The following PRRC2C variants were observed in gnomAD, a reference collection of about 807,000 sequenced individuals.
The protein encoded by PRRC2C is proline rich coiled-coil 2C.
Under a neutral mutation model 317.2 loss-of-function variants are expected in PRRC2C, and 72 were observed. That is an observed-to-expected ratio of 0.23 (90% CI 0.19 to 0.28). The LOEUF is 0.28. Among genes scored for constraint, PRRC2C ranks in the 10% least tolerant of loss-of-function variants. The probability of loss-of-function intolerance (pLI) is 1.00; values close to 1 mark genes in which losing one functional copy is unlikely to be tolerated. For synonymous variants in PRRC2C, 1,296 were observed against 1,205.9 expected, an observed-to-expected ratio of 1.07 and a Z score of -1.55; for missense variants, 3,074 against 3,459.7, an observed-to-expected ratio of 0.89 and a Z score of 2.80.
At chr1:171,543,904 G>C (rs1309179113) in intron 16 of PRRC2C, among the ~76,000 whole-genome samples, 1 of 152,164 alleles carries the variant, frequency 6.6e-6, no homozygotes, top group East Asian at 1.9e-4. Context: ...CATGGTGAGG[G>C]GGCTCACAAG....
chr1:171,546,618 G>C (rs1391315757), intron 17 of PRRC2C, among the ~76,000 whole-genome samples: 1 of 151,912 alleles, frequency 6.6e-6, no homozygotes, highest in African/African-American at 2.4e-5. Flanking sequence ...TGTTTGTTTT[G>C]AGACAGAGAC....
chr1:171,552,324 C>T (rs1293722229), intron 18 of PRRC2C, among the ~76,000 whole-genome samples: 2 of 152,282 alleles, frequency 1.3e-5, no homozygotes, highest in East Asian at 3.9e-4. Flanking sequence ...TATTCTGAGA[C>T]TTTGCTGAAG....
chr1:171,541,998 G>T lies in PRRC2C; in HGVS notation c.4532G>T (p.Arg1511Leu). 6.2e-7 allele frequency: 1 copy of T among 1,613,690 alleles called. No homozygotes were observed. The highest frequency in any genetic ancestry group is 1.1e-5 in the South Asian group (1 of 91,042). ...GAAAGCAGTGATTTCAATGAGAGGC[G>T]AGAGAGGGATGAAAAAAAAAATGCT... ...ASESSDFNER[R>L]ERDEKKNADL... is the part of the protein sequence containing the mutation. Residue 1511 changes from arginine to leucine, a missense_variant, in exon 16 of 35, where the codon CGA becomes CTA. Physicochemically the swap from Arg to Leu is moderately radical, Grantham distance 102 (BLOSUM62 -2). Transcript: ENST00000647382. The surrounding 1 kb of genome is among the most constrained non-coding windows in gnomAD (Gnocchi z 4.1).
chr1:171,591,045 G>A, intron 34 of PRRC2C: 2 of 428,696 alleles, frequency 4.7e-6, no homozygotes, highest in Non-Finnish European at 6.2e-6. Context: ...GGGGCACATA[G>A]TCAAAACTAA....
In PRRC2C at chr1:171,508,012, T is replaced by C. The variant is rs191067292; in HGVS notation, c.-57-4020T>C. Among the ~76,000 whole-genome samples the C allele has an allele frequency of 1.3e-3, 204 of 152,372 alleles. 5 individuals carry two copies. Among genetic ancestry groups the C allele is most frequent in the Admixed American group, 0.011 (161 of 15,298 alleles). ...ATGTTGATTTTGTATCCTGTTGCTT[T>C]ACTGAGTTCATTTATTAGTTTCAAC... On this transcript the variant is annotated intron_variant, in intron 1 of 34. Transcript: ENST00000647382.
rs749514773 is a variant in PRRC2C, at chr1:171,523,365, AAATT to A, written c.967+18_967+21del. 4 of 1,613,886 alleles carry A rather than the reference AAATT, an allele frequency of 2.5e-6. No homozygotes were observed. Among genetic ancestry groups the A allele is most frequent in the East Asian group, 4.5e-5 (2 of 44,874 alleles). ...ATGAAGGTTGGGCAGGTAAGAGGCAAAATTAATTAAGTCCTTTAAATTGTTAGAT... is the reference window on the plus strand; with the variant it reads ...ATGAAGGTTGGGCAGGTAAGAGGCAAAATTAAGTCCTTTAAATTGTTAGAT... On this transcript the variant is annotated intron_variant, in intron 8 of 34. Coordinates refer to ENST00000647382, the MANE Select transcript of PRRC2C (RefSeq NM_001387844.1).
intron 26 of PRRC2C, 27 bp from the exon 27 acceptor site, chr1:171,579,327 C>T: frequency 6.3e-7 from 1 of 1,595,030 alleles, no homozygotes. Context: ...ACACTTACTA[C>T]TGCTTGTTTA....
intron 10 of PRRC2C, among the ~76,000 whole-genome samples, chr1:171,526,582 C>G (rs1037528106): frequency 1.3e-5 from 2 of 151,976 alleles, no homozygotes; most frequent in African/African-American, 4.8e-5. Context: ...AAATGACCCA[C>G]CCGCCTCAGC....
At position 171,523,891 on chromosome 1, in the gene PRRC2C, C is replaced by T. The variant is rs188132575; in HGVS notation, c.1055+369C>T. Among the ~76,000 whole-genome samples the T allele has an allele frequency of 1.1e-4, 16 of 152,152 alleles. No homozygotes were observed. The East Asian group carries it at 2.7e-3, about 26-fold the overall frequency. ...TCTCTACTAAAAATACAAAAATTAT[C>T]CAGGCGTGGTGGTGCATGCCTGTAA... On this transcript the variant is annotated intron_variant, in intron 9 of 34. Transcript: ENST00000647382.
At chr1:171,499,025 A>T (rs536064547) in intron 1 of PRRC2C, among the ~76,000 whole-genome samples, 62 of 152,238 alleles carry the variant, frequency 4.1e-4, no homozygotes, top group Middle Eastern at 6.8e-3. Flanking sequence ...GCACAGGCTG[A>T]TCTGGAGCTC....
At chr1:171,582,664 T>A (rs906406534) in intron 28 of PRRC2C, among the ~76,000 whole-genome samples, 1 of 151,990 alleles carries the variant, frequency 6.6e-6, no homozygotes, top group Non-Finnish European at 1.5e-5. Context: ...ATCTAAACAA[T>A]CTAAACAGAA....
intron 1 of PRRC2C, among the ~76,000 whole-genome samples, chr1:171,496,199 C>CTTTTTTTTTTTT (rs528654548): frequency 0.014 from 1,025 of 75,592 alleles, 135 homozygotes; most frequent in African/African-American, 0.022. Flanking sequence ...ATTTTTGTGC[C>CTTTTTTTTTTTT]TTTTTTTTTT....
At chr1:171,518,495 T>TTTTTTTTTAATTTTTTTTTCAA (rs1672866309) in intron 6 of PRRC2C, among the ~76,000 whole-genome samples, 1 of 47,464 alleles carries the variant, frequency 2.1e-5, no homozygotes, top group Non-Finnish European at 4.0e-5. Flanking sequence ...TTTTTTTCAA[T>TTTTTTTTTAATTTTTTTTTCAA]TTTTTTTTTT....
intron 25 of PRRC2C, among the ~76,000 whole-genome samples, chr1:171,575,674 A>G (rs1430702035): frequency 6.6e-6 from 1 of 152,164 alleles, no homozygotes; most frequent in Non-Finnish European, 1.5e-5. Flanking sequence ...AATTTTTACT[A>G]GTGTGTAATC....
At chr1:171,503,478 C>T (rs906888092) in intron 1 of PRRC2C, among the ~76,000 whole-genome samples, 2 of 151,368 alleles carry the variant, frequency 1.3e-5, no homozygotes, top group African/African-American at 4.9e-5. Flanking sequence ...GAGCCAGGAT[C>T]GCGCCACTGC....
chr1:171,520,731 T>C (rs1673386315), intron 6 of PRRC2C, among the ~76,000 whole-genome samples: 3 of 151,744 alleles, frequency 2.0e-5, no homozygotes, highest in Non-Finnish European at 2.9e-5. Context: ...TTTCCCCAGC[T>C]GAGTTTCAGC....
At chr1:171,514,510 A>C (rs1391246456) in intron 3 of PRRC2C, 26 bp from the exon 4 acceptor site, 2 of 1,495,990 alleles carry the variant, frequency 1.3e-6, no homozygotes, top group Non-Finnish European at 1.8e-6. Context: ...AGTATCTGAA[A>C]TAATGGATTC....
chr1:171,589,724 C>A, intron 34 of PRRC2C, 119 bp downstream of exon 34: 1 of 578,190 alleles, frequency 1.7e-6, no homozygotes, highest in Non-Finnish European at 2.6e-6. Flanking sequence ...CTTAACCAAG[C>A]TAACTACTTT....
At chr1:171,575,184 T>C (rs1425453140) in intron 25 of PRRC2C, 56 bp downstream of exon 25, 3 of 1,441,014 alleles carry the variant, frequency 2.1e-6, no homozygotes, top group Non-Finnish European at 1.9e-6. Flanking sequence ...AAATTTTTTA[T>C]GATCTCTTCT....
Sources: allele counts gnomAD v4.1 joint callset (sites outside exome capture counted in the v4.1 genomes callset), GRCh38; gene constraint gnomAD v4.1.1; non-coding constraint Gnocchi (gnomAD v3.1); transcripts MANE v1.5; gene names NCBI Gene and HGNC (gene_info 2026-07-23, HGNC 2026-07-21).